The following CD81 variants were observed in gnomAD, a reference collection of about 807,000 sequenced individuals.
The protein encoded by CD81 is CD81 antigen.
A neutral mutation model predicts 30.1 loss-of-function variants in CD81; 10 were observed. The ratio of observed to expected loss-of-function variants is 0.33; its 90% CI spans 0.21 to 0.56. CD81 has a LOEUF of 0.56. Among genes scored for constraint, CD81 ranks in the 20% least tolerant of loss-of-function variants. The pLI, the probability that CD81 is intolerant of heterozygous loss-of-function variation, is 0.89. For synonymous variants in CD81, 147 were observed against 126.4 expected (o/e 1.16, Z -1.10); for missense variants, 263 against 308.7 (o/e 0.85, Z 1.11).
At chr11:2,384,836 T>C (rs1046870862) in intron 1 of CD81, among the ~76,000 whole-genome samples, 5 of 152,112 alleles carry the variant, frequency 3.3e-5, no homozygotes, top group African/African-American at 7.2e-5. Flanking sequence ...TTCTGCACTT[T>C]TATTTCCTTG....
chr11:2,396,481 G>T, intron 6 of CD81, 147 bp from the exon 7 acceptor site: 1 of 760,572 alleles, frequency 1.3e-6, no homozygotes, highest in Non-Finnish European at 2.3e-6. Context: ...CGCTGCACCC[G>T]CCTGTTCCGA....
intron 2 of CD81, chr11:2,391,280 T>C (rs998128244): frequency 2.0e-5 from 3 of 150,864 alleles, no homozygotes; most frequent in African/African-American, 7.4e-5. Context: ...GGCTGAGGGG[T>C]GGGTGAGGTG....
At chr11:2,396,039 G>A (rs1589854427) in intron 6 of CD81, 69 bp downstream of exon 6, 2 of 1,067,050 alleles carry the variant, frequency 1.9e-6, no homozygotes, top group East Asian at 4.8e-5. Context: ...TCCTAGGGGT[G>A]GGCAGGTCAC....
At chr11:2,384,693 A>G in intron 1 of CD81, 1 of 189,442 alleles carries the variant, frequency 5.3e-6, no homozygotes, top group Non-Finnish European at 1.2e-5. Context: ...GTGAGCTTTG[A>G]GCAGGGAGGT....
At chr11:2,382,306 C>T (rs570891966) in intron 1 of CD81, among the ~76,000 whole-genome samples, 9 of 152,338 alleles carry the variant, frequency 5.9e-5, no homozygotes, top group South Asian at 2.1e-4. Flanking sequence ...AGCTTGTAAG[C>T]GCCTCTCTCC....
intron 4 of CD81, 123 bp downstream of exon 4, chr11:2,395,169 A>C: frequency 1.2e-6 from 1 of 850,202 alleles, no homozygotes; most frequent in Non-Finnish European, 2.0e-6. Context: ...CCTGGGTCCC[A>C]CTTGCCAGGA....
At chr11:2,395,193 C>A in intron 4 of CD81, 147 bp downstream of exon 4, 1 of 762,564 alleles carries the variant, frequency 1.3e-6, no homozygotes. Flanking sequence ...TCTCCAGGGG[C>A]TTTATGGAGG....
intron 5 of CD81, 61 bp downstream of exon 5, chr11:2,395,581 C>T (rs1227990907): frequency 2.7e-5 from 35 of 1,308,594 alleles, no homozygotes; most frequent in East Asian, 2.6e-4. Context: ...GGGTGTGTCT[C>T]GTCCTGGATG....
At chr11:2,381,503 G>A (rs1849704120) in intron 1 of CD81, among the ~76,000 whole-genome samples, 1 of 152,240 alleles carries the variant, frequency 6.6e-6, no homozygotes, top group Admixed American at 6.5e-5. Context: ...GCCCAGACAA[G>A]GAGACAGACC....
Position 2,396,218 on chromosome 11 carries a change from G to A in CD81, c.561+248G>A, listed in dbSNP as rs1849999892. 5.1e-6 allele frequency: 3 copies of A among 588,396 alleles called. No individual in the cohort carries two copies. The African/African-American group carries it at 5.6e-5, about 11-fold the overall frequency. The allele number at this position is 588,396 out of a possible 1,614,324, so 36.4% of individuals were successfully genotyped here. On this transcript the variant is annotated intron_variant, in intron 6 of 7. Transcript: ENST00000263645. The stretch of plus-strand genomic sequence containing the variant: ...GGCTCTGGGGGGTGGGAACTCACCT[G>A]CACCCCCAGCTCCACGTGTGCACTC...
At chr11:2,388,265 CA>C (rs1024231880) in intron 1 of CD81, among the ~76,000 whole-genome samples, 1 of 152,188 alleles carries the variant, frequency 6.6e-6, no homozygotes, top group African/African-American at 2.4e-5. Context: ...GGAGGGGAGA[CA>C]GGAGTGTGAG....
At chr11:2,395,355 G>A in intron 4 of CD81, 61 bp from the exon 5 acceptor site, 1 of 1,367,704 alleles carries the variant, frequency 7.3e-7, no homozygotes, top group Non-Finnish European at 1.0e-6. Context: ...CTGGGGCGGG[G>A]CGGGGTGGGG....
At chr11:2,393,817 G>A (rs371771025) in intron 2 of CD81, 10 of 632,590 alleles carry the variant, frequency 1.6e-5, no homozygotes, top group East Asian at 1.4e-4. Context: ...TCATCCCTGC[G>A]AAGCACCTGT....
rs989214142 is a variant in CD81, at chr11:2,378,736, C to G, written c.66+1121C>G. 3.3e-5 allele frequency among the ~76,000 whole-genome samples: 5 copies of G among 152,236 alleles called. No homozygotes were observed. The highest frequency in any genetic ancestry group is 1.2e-4 in the African/African-American group (5 of 41,458). On this transcript the variant is annotated intron_variant, in intron 1 of 7. Transcript: ENST00000263645. The surrounding 1 kb of genome is among the most constrained non-coding windows in gnomAD (Gnocchi z 4.9). ...CCCGTGCCCCCCAGGCTGTCACCCC[C>G]TTCTCGTGGAAGACTCGGCTGATGT...
intron 1 of CD81, among the ~76,000 whole-genome samples, chr11:2,381,884 G>A (rs1057437860): frequency 6.6e-6 from 1 of 152,224 alleles, no homozygotes; most frequent in African/African-American, 2.4e-5. Flanking sequence ...CACCTGCCTT[G>A]TAGGACACAG....
At chr11:2,385,620 T>C (rs79603050) in intron 1 of CD81, 5,218 of 29,752 alleles carry the variant, frequency 0.18, 464 homozygotes, top group Middle Eastern at 0.57. Context: ...GCACCCGTGC[T>C]GTGGCGTGCC....
intron 1 of CD81, among the ~76,000 whole-genome samples, chr11:2,379,765 C>G (rs995467125): frequency 6.6e-6 from 1 of 152,070 alleles, no homozygotes; most frequent in Non-Finnish European, 1.5e-5. Flanking sequence ...CTCCCCAGGG[C>G]CTGCTCCCTG....
At chr11:2,377,029 T>C (rs916397660), upstream of CD81, 4 of 152,358 alleles carry the variant, frequency 2.6e-5, no homozygotes, top group African/African-American at 7.2e-5. This position sits in a 1 kb window ranked among gnomAD's most constrained non-coding sequence, Gnocchi z 7.7. Context: ...AGACGCTGCA[T>C]GCCTGTCCTC....
chr11:2,388,766 C>T (rs1469910981), intron 1 of CD81, among the ~76,000 whole-genome samples: 1 of 152,174 alleles, frequency 6.6e-6, no homozygotes, highest in Non-Finnish European at 1.5e-5. Context: ...TGGCTGATTT[C>T]ATCTCCTGTC....
Sources: allele counts gnomAD v4.1 joint callset (sites outside exome capture counted in the v4.1 genomes callset), GRCh38; gene constraint gnomAD v4.1.1; non-coding constraint Gnocchi (gnomAD v3.1); transcripts MANE v1.5; gene names NCBI Gene and HGNC (gene_info 2026-07-23, HGNC 2026-07-21).